Variants in ADA2 observed in about 807,000 individuals in gnomAD.
ADA2 encodes adenosine deaminase 2.
ADA2 carries 29 observed loss-of-function variants against 44.2 expected under a neutral mutation model. The observed-to-expected ratio is 0.66, with a 90% CI of 0.49 to 0.89. ADA2 has a LOEUF of 0.89. Among genes scored for constraint, ADA2 ranks in the 40% least tolerant of loss-of-function variants. The pLI is 0.00. For synonymous variants in ADA2, 215 were observed against 234.9 expected, an observed-to-expected ratio of 0.92 and a Z score of 0.77; for missense variants, 637 against 644.8, an observed-to-expected ratio of 0.99 and a Z score of 0.13.
upstream of ADA2, among the ~76,000 whole-genome samples, chr22:17,220,051 A>G (rs1248755224): frequency 6.6e-6 from 1 of 152,074 alleles, no homozygotes. Flanking sequence ...GGTCCACAGC[A>G]TGTTGGTTTT....
chr22:17,187,632 A>G (rs2062050819), intron 7 of ADA2, among the ~76,000 whole-genome samples: 1 of 150,252 alleles, frequency 6.7e-6, no homozygotes, highest in Non-Finnish European at 1.5e-5. Flanking sequence ...GGATGATGTG[A>G]GTTTGCAGGA....
chr22:17,195,378 A>C (rs1157804263), intron 4 of ADA2, among the ~76,000 whole-genome samples: 1 of 151,718 alleles, frequency 6.6e-6, no homozygotes, highest in African/African-American at 2.4e-5. Flanking sequence ...AAAATACAAC[A>C]ATTAGCCGGG....
chr22:17,201,576 C>T (rs1233271317), intron 4 of ADA2, among the ~76,000 whole-genome samples: 2 of 152,208 alleles, frequency 1.3e-5, no homozygotes, highest in African/African-American at 2.4e-5. Context: ...CCCCAAGCCA[C>T]TGATAACCTT....
intron 1 of ADA2, among the ~76,000 whole-genome samples, chr22:17,214,550 C>CA (rs1329745084): frequency 6.6e-6 from 1 of 152,212 alleles, no homozygotes; most frequent in Non-Finnish European, 1.5e-5. Context: ...GAGCTAATGC[C>CA]AGGGTGGCCT....
At chr22:17,191,856 A>G in intron 4 of ADA2, 46 bp from the exon 5 acceptor site, 1 of 1,572,036 alleles carries the variant, frequency 6.4e-7, no homozygotes, top group East Asian at 2.3e-5. Flanking sequence ...GCAGTGAGAG[A>G]CGCCACCCCC....
Position 17,181,938 on chromosome 22 carries a change from C to A in ADA2, c.1324G>T (p.Asp442Tyr). 6.2e-7 allele frequency: 1 copy of A among 1,614,056 alleles called. No individual in the cohort carries two copies. The highest frequency in any genetic ancestry group is 1.1e-5 in the South Asian group (1 of 91,086). The stretch of plus-strand genomic sequence containing the variant: ...CCTTTGGCACCAAACATAGCTGGGT[C>A]ATCAGAGCTGATCACCATGGGGTGC... Reference protein sequence around the residue: ...TGHPMVISSDDPAMFGAKGLS... With the variant: ...TGHPMVISSDYPAMFGAKGLS... The change falls in exon 9 of 10, where the codon GAC becomes TAC. Residue 442 changes from aspartate to tyrosine, a missense_variant. By Grantham distance (160) the Asp-to-Tyr change is radical (BLOSUM62 -3). Transcript: ENST00000399837.
At chr22:17,198,883 T>C (rs564836531) in intron 4 of ADA2, 1 of 152,418 alleles carries the variant, frequency 6.6e-6, no homozygotes, top group Non-Finnish European at 1.5e-5. Flanking sequence ...AGGAACACAA[T>C]GGGAGGCTCA....
chr22:17,188,868 A>AAAAAAAAAAAAAAAAAAAAAAAAAT lies in ADA2; in HGVS notation c.973-422_973-421insATTTTTTTTTTTTTTTTTTTTTTTT. On this transcript the variant is annotated intron_variant, in intron 6 of 9. Coordinates refer to ENST00000399837, the MANE Select transcript of ADA2 (RefSeq NM_001282225.2). The stretch of plus-strand genomic sequence containing the variant: ...CACTACAGCCTGGCCAAGAGCAAAA[A>AAAAAAAAAAAAAAAAAAAAAAAAAT]ATATATATATATATATATTTTGTAA... 45 of 81,152 alleles carry AAAAAAAAAAAAAAAAAAAAAAAAAT rather than the reference A, an allele frequency of 5.5e-4. 4 individuals carry two copies. The highest frequency in any genetic ancestry group is 0.017 in the Middle Eastern group (2 of 118). The allele number at this position is 81,152 out of a possible 1,614,324, so 5.0% of individuals were successfully genotyped here.
At position 17,181,425 on chromosome 22, in the gene ADA2, G is replaced by A; in HGVS notation, c.*58C>T. 3.6e-6 allele frequency: 4 copies of A among 1,118,804 alleles called. No homozygotes were observed. Among genetic ancestry groups the A allele is most frequent in the Non-Finnish European group, 4.1e-6 (3 of 728,284 alleles). 69.3% of individuals were successfully genotyped at this position (1,118,804 alleles called of 1,614,324 possible). A position where few individuals can be genotyped will look rare whatever the true frequency, so the allele number is the denominator to read the frequency against. On this transcript the variant is annotated 3_prime_UTR_variant, in exon 10 of 10. Coordinates refer to ENST00000399837, the MANE Select transcript of ADA2 (RefSeq NM_001282225.2). ...ACATGGAGCTGATTCAAGAACGAGT[G>A]AGAGGAAGTGACAGCGTGTGCAAGA...
chr22:17,184,350 G>C (rs2062010977), intron 7 of ADA2, among the ~76,000 whole-genome samples: 1 of 152,108 alleles, frequency 6.6e-6, no homozygotes, highest in Admixed American at 6.6e-5. Context: ...AGCTAAAATA[G>C]CCTTAACGCT....
Position 17,207,307 on chromosome 22 carries a change from A to G in ADA2, c.323-17T>C. 1 of 1,579,500 alleles carries G rather than the reference A, an allele frequency of 6.3e-7. No individual in the cohort carries two copies. The highest frequency in any genetic ancestry group is 8.7e-7 in the Non-Finnish European group (1 of 1,151,912). The stretch of plus-strand genomic sequence containing the variant: ...AGGCAGCCCCTGGAGAGGGAAGAAG[A>G]ATGGTGAAGACAAAGGGGTGAAGTC... On this transcript the variant is annotated splice_polypyrimidine_tract_variant and intron_variant, in intron 2 of 9. Transcript: ENST00000399837.
At chr22:17,220,913 C>T (rs9619020), upstream of ADA2, among the ~76,000 whole-genome samples, 895 of 152,254 alleles carry the variant, frequency 5.9e-3, 9 homozygotes, top group African/African-American at 0.02. Context: ...GTGGTGCATG[C>T]CTGTAATCCC....
Position 17,181,996 on chromosome 22 carries a change from C to T in ADA2, c.1266G>A (p.Arg422=). ...CCATCAGAGTGGCTACAGGGTGGTT[C>T]CTCAAGTCAGACACCAGTTTCAGCA... The part of the protein sequence containing the change: ...NQVLKLVSDL[R]NHPVATLMAT... The change falls in exon 9 of 10, where the codon AGG becomes AGA. Residue 422 remains arginine, a synonymous_variant. Transcript: ENST00000399837. 1 of 1,613,936 alleles carries T rather than the reference C, an allele frequency of 6.2e-7. No individual in the cohort carries two copies. Among genetic ancestry groups the T allele is most frequent in the Admixed American group, 1.7e-5 (1 of 59,960 alleles).
At chr22:17,184,983 A>ATATATATATATATATATATATAT (rs559045610) in intron 7 of ADA2, among the ~76,000 whole-genome samples, 1 of 78,738 alleles carries the variant, frequency 1.3e-5, no homozygotes, top group African/African-American at 5.6e-5. Context: ...CCCATGTCAA[A>ATATATATATATATATATATATAT]ATATATATAT....
chr22:17,213,808 C>T (rs1331385280), intron 1 of ADA2: 6 of 251,132 alleles, frequency 2.4e-5, no homozygotes, highest in African/African-American at 7.0e-5. Context: ...GAGGCTGAGG[C>T]GGGTGGATCA....
Position 17,179,007 on chromosome 22 carries a change from A to G in ADA2, c.*2476T>C, listed in dbSNP as rs2061940214. 6.6e-6 allele frequency: 1 copy of G among 152,238 alleles called. No individual in the cohort carries two copies. Among genetic ancestry groups the G allele is most frequent in the Non-Finnish European group, 1.5e-5 (1 of 68,100 alleles). The allele number at this position is 152,238 out of a possible 1,614,324, so 9.4% of individuals were successfully genotyped here. On this transcript the variant is annotated 3_prime_UTR_variant, in exon 10 of 10. Coordinates refer to ENST00000399837, the MANE Select transcript of ADA2 (RefSeq NM_001282225.2). ...CAGCTTATGGTTGCTGTTTTTTCCC[A>G]GTTCCAGGAACCAAATGGTGATAAA...
At chr22:17,184,253 C>T (rs541951091) in intron 7 of ADA2, among the ~76,000 whole-genome samples, 201 of 152,168 alleles carry the variant, frequency 1.3e-3, no homozygotes, top group African/African-American at 4.4e-3. Flanking sequence ...CGTGAGCCAC[C>T]ACGCCCGGCC....
Position 17,209,346 on chromosome 22 carries a change from C to T in ADA2, c.322+10G>A. 1 of 1,610,580 alleles carries T rather than the reference C, an allele frequency of 6.2e-7. No individual in the cohort carries two copies. The highest frequency in any genetic ancestry group is 2.2e-5 in the East Asian group (1 of 44,822). On this transcript the variant is annotated intron_variant, in intron 2 of 9. Coordinates refer to ENST00000399837, the MANE Select transcript of ADA2 (RefSeq NM_001282225.2). ...CCCAGCACCCCAAGCCACCCCTTTC[C>T]AAACCTTACCTTTTGGCATCATCCT...
intron 6 of ADA2, 54 bp downstream of exon 6, chr22:17,189,888 G>T: frequency 7.7e-7 from 1 of 1,299,246 alleles, no homozygotes; most frequent in Non-Finnish European, 1.1e-6. Flanking sequence ...ACCCAGACAG[G>T]CATCCTCGCA....
Sources: gnomAD v4.1 joint callset for allele counts (sites outside exome capture counted in the v4.1 genomes callset) on GRCh38, gnomAD v4.1.1 for gene constraint, MANE v1.5 for transcripts, NCBI Gene and HGNC (gene_info 2026-07-23, HGNC 2026-07-21) for gene names.